Variants in DOCK4 observed in about 807,000 individuals in gnomAD.
DOCK4 encodes dedicator of cytokinesis 4, also known as dedicator of cytokinesis protein 4.
DOCK4 carries 97 observed loss-of-function variants against 268.1 expected under a neutral mutation model. The ratio of observed to expected loss-of-function variants is 0.36; its 90% CI spans 0.31 to 0.43. The LOEUF (loss-of-function observed/expected upper bound fraction) is 0.43. DOCK4 is among the 20% of genes least tolerant of loss of function. The pLI is 1.00. For synonymous variants in DOCK4, 954 were observed against 887.2 expected, an observed-to-expected ratio of 1.08 and a Z score of -1.34; for missense variants, 2,145 against 2,455.7, an observed-to-expected ratio of 0.87 and a Z score of 2.67.
chr7:112,040,859 T>C (rs1409230881), intron 1 of DOCK4, among the ~76,000 whole-genome samples: 1 of 152,240 alleles, frequency 6.6e-6, no homozygotes, highest in African/African-American at 2.4e-5. Context: ...TTTGTGCATA[T>C]GTATATGTTT....
intron 16 of DOCK4, among the ~76,000 whole-genome samples, chr7:111,884,045 C>T (rs1807639835): frequency 6.6e-6 from 1 of 152,022 alleles, no homozygotes; most frequent in African/African-American, 2.4e-5. Context: ...TATATATTTA[C>T]CAGAGGTTCA....
intron 30 of DOCK4, among the ~76,000 whole-genome samples, chr7:111,796,270 C>G (rs569622016): frequency 1.8e-4 from 28 of 152,222 alleles, no homozygotes; most frequent in Non-Finnish European, 3.8e-4. Flanking sequence ...AAACACAACC[C>G]TCAGACCTGT....
chr7:111,821,898 A>G (rs1802008483), intron 27 of DOCK4: 1 of 152,498 alleles, frequency 6.6e-6, no homozygotes, highest in South Asian at 2.1e-4. Context: ...AGAATTGGTT[A>G]AATAAACTAT....
intron 1 of DOCK4, among the ~76,000 whole-genome samples, chr7:112,031,788 G>T (rs1302520968): frequency 1.3e-5 from 2 of 152,124 alleles, no homozygotes; most frequent in Admixed American, 1.3e-4. Context: ...AAACATACAG[G>T]TTTATAAGAG....
At chr7:112,073,494 G>T (rs1275457501) in intron 1 of DOCK4, among the ~76,000 whole-genome samples, 1 of 151,778 alleles carries the variant, frequency 6.6e-6, no homozygotes, top group African/African-American at 2.4e-5. Flanking sequence ...ATAATAAAAT[G>T]TAATGTAAAA....
chr7:111,728,915 GTCCTTATAAGAGACA>G (rs1309319052), intron 52 of DOCK4, among the ~76,000 whole-genome samples, 195 bp from the exon 53 acceptor site: 1 of 152,166 alleles, frequency 6.6e-6, no homozygotes, highest in Non-Finnish European at 1.5e-5. Context: ...GCTGACTGGT[GTCCTTATAAGAGACA>G]TTTGGACACA....
chr7:112,181,605 A>C, intron 1 of DOCK4, among the ~76,000 whole-genome samples: 1 of 138,856 alleles, frequency 7.2e-6, no homozygotes, highest in African/African-American at 2.7e-5. Context: ...GTGCCACTGC[A>C]CTCCAGCCTG....
At chr7:112,033,089 A>T (rs1330523787) in intron 1 of DOCK4, among the ~76,000 whole-genome samples, 1 of 152,186 alleles carries the variant, frequency 6.6e-6, no homozygotes, top group Non-Finnish European at 1.5e-5. Context: ...AGTATATTTT[A>T]AAATTTCCAA....
intron 52 of DOCK4, among the ~76,000 whole-genome samples, chr7:111,730,807 C>T (rs1422245724): frequency 6.6e-6 from 1 of 152,184 alleles, no homozygotes; most frequent in Admixed American, 6.5e-5. Context: ...CTTCGAACTG[C>T]ATATGGCCAG....
At chr7:112,074,283 C>A (rs1807863812) in intron 1 of DOCK4, among the ~76,000 whole-genome samples, 2 of 152,106 alleles carry the variant, frequency 1.3e-5, no homozygotes, top group Non-Finnish European at 2.9e-5. Context: ...ATTACATCCA[C>A]AGGTTAGATT....
At chr7:111,741,990 C>T (rs952748768) in intron 45 of DOCK4, 23 bp downstream of exon 45, 2 of 1,543,416 alleles carry the variant, frequency 1.3e-6, no homozygotes, top group Non-Finnish European at 1.7e-6. Flanking sequence ...GCTGCCCCGC[C>T]ATGGACACCT....
At chr7:112,177,191 G>A (rs533175319) in intron 1 of DOCK4, among the ~76,000 whole-genome samples, 1 of 152,182 alleles carries the variant, frequency 6.6e-6, no homozygotes, top group Non-Finnish European at 1.5e-5. Flanking sequence ...TGAGGTATTT[G>A]TTAAGAGTTA....
intron 1 of DOCK4, among the ~76,000 whole-genome samples, chr7:112,007,680 C>A (rs1416495810): frequency 6.6e-6 from 1 of 151,840 alleles, no homozygotes; most frequent in Non-Finnish European, 1.5e-5. Flanking sequence ...ATATGGTTGG[C>A]TCATGTTTCT....
At chr7:112,002,901 A>T (rs1243832737) in intron 2 of DOCK4, among the ~76,000 whole-genome samples, 1 of 152,042 alleles carries the variant, frequency 6.6e-6, no homozygotes, top group East Asian at 1.9e-4. Flanking sequence ...AATACAAAAA[A>T]TTAGCTGAGT....
At chr7:112,070,963 C>T (rs990141247) in intron 1 of DOCK4, among the ~76,000 whole-genome samples, 5 of 152,230 alleles carry the variant, frequency 3.3e-5, no homozygotes, top group East Asian at 1.9e-4. Flanking sequence ...CATTCAGCTA[C>T]GACCTCTTTC....
intron 16 of DOCK4, among the ~76,000 whole-genome samples, chr7:111,887,835 G>C (rs1416284540): frequency 6.6e-6 from 1 of 151,784 alleles, no homozygotes; most frequent in Admixed American, 6.6e-5. Flanking sequence ...AGGAGGAAGA[G>C]AGAGGACATT....
chr7:111,851,458 A>AAG (rs1804547879), intron 23 of DOCK4, among the ~76,000 whole-genome samples: 1 of 151,928 alleles, frequency 6.6e-6, no homozygotes, highest in African/African-American at 2.4e-5. Context: ...AAAAAAAAAA[A>AAG]AAAAAAAATT....
intron 12 of DOCK4, among the ~76,000 whole-genome samples, chr7:111,921,844 T>G (rs1793163168): frequency 6.6e-6 from 1 of 152,178 alleles, no homozygotes; most frequent in Non-Finnish European, 1.5e-5. Context: ...CAAATTAGCT[T>G]CCATCAAAAA....
At chr7:112,157,197 T>C (rs1191113934) in intron 1 of DOCK4, among the ~76,000 whole-genome samples, 1 of 152,138 alleles carries the variant, frequency 6.6e-6, no homozygotes, top group Non-Finnish European at 1.5e-5. Context: ...CAGCTCACAG[T>C]ATTGTGGGAG....
Sources: allele counts gnomAD v4.1 joint callset (sites outside exome capture counted in the v4.1 genomes callset), GRCh38; gene constraint gnomAD v4.1.1; transcripts MANE v1.5; gene names NCBI Gene and HGNC (gene_info 2026-07-23, HGNC 2026-07-21).